Variants in ATRNL1 observed in about 807,000 individuals in gnomAD.
ATRNL1 encodes attractin-like protein 1.
A neutral mutation model predicts 182.7 loss-of-function variants in ATRNL1; 95 were observed. That is an observed-to-expected ratio of 0.52 (90% confidence interval 0.44 to 0.62). ATRNL1 has a LOEUF of 0.62. Among genes scored for constraint, ATRNL1 ranks in the 20% least tolerant of loss-of-function variants. The probability of loss-of-function intolerance (pLI) is 0.00; values close to 1 mark genes in which losing one functional copy is unlikely to be tolerated. For missense variants in ATRNL1, 1,471 were observed against 1,679.5 expected (o/e 0.88, Z 2.17); for synonymous variants, 576 against 568.3 (o/e 1.01, Z -0.19).
chr10:115,473,418 A>C (rs929908080), intron 24 of ATRNL1, among the ~76,000 whole-genome samples: 1 of 151,250 alleles, frequency 6.6e-6, no homozygotes, highest in East Asian at 1.9e-4. Flanking sequence ...AAAGAACAGA[A>C]TACAGCATTA....
chr10:115,587,975 G>T (rs1198986600), intron 26 of ATRNL1, among the ~76,000 whole-genome samples: 1 of 152,070 alleles, frequency 6.6e-6, no homozygotes, highest in Non-Finnish European at 1.5e-5. Flanking sequence ...AATAAGAAAT[G>T]AAAATCAAAT....
chr10:115,414,746 C>T (rs1371050447), intron 20 of ATRNL1, among the ~76,000 whole-genome samples: 1 of 151,796 alleles, frequency 6.6e-6, no homozygotes, highest in Non-Finnish European at 1.5e-5. Flanking sequence ...TATTATTTCA[C>T]CTTCTTACAC....
intron 6 of ATRNL1, among the ~76,000 whole-genome samples, chr10:115,160,785 T>G (rs1312235315): frequency 6.6e-5 from 10 of 151,944 alleles, no homozygotes; most frequent in Non-Finnish European, 1.5e-4. Flanking sequence ...TTTTATGAAC[T>G]GTTTAGTAAC....
At chr10:115,605,466 T>C (rs1385157658) in intron 26 of ATRNL1, among the ~76,000 whole-genome samples, 2 of 152,148 alleles carry the variant, frequency 1.3e-5, no homozygotes, top group Admixed American at 1.3e-4. Flanking sequence ...TTGCATAGAT[T>C]ACTTACATTT....
intron 26 of ATRNL1, among the ~76,000 whole-genome samples, chr10:115,550,189 G>A (rs561967626): frequency 2.0e-5 from 3 of 151,780 alleles, no homozygotes; most frequent in Non-Finnish European, 4.4e-5. Flanking sequence ...GCAAAAGTAT[G>A]CAGTAGATTT....
intron 25 of ATRNL1, among the ~76,000 whole-genome samples, chr10:115,534,726 A>G (rs1554989664): frequency 1.3e-5 from 2 of 151,510 alleles, no homozygotes; most frequent in African/African-American, 4.8e-5. Context: ...TTTTGGCATG[A>G]TTTTGTAGCA....
chr10:115,461,851 A>G, intron 21 of ATRNL1, 90 bp from the exon 22 acceptor site: 1 of 552,614 alleles, frequency 1.8e-6, no homozygotes, highest in Non-Finnish European at 3.0e-6. Flanking sequence ...CATTTTTAAT[A>G]TCAGTGTACA....
At chr10:115,405,086 G>A (rs1466869002) in intron 20 of ATRNL1, among the ~76,000 whole-genome samples, 2 of 152,046 alleles carry the variant, frequency 1.3e-5, no homozygotes, top group Admixed American at 6.6e-5. Flanking sequence ...ATTAGAAAAA[G>A]AAACAAATGT....
intron 24 of ATRNL1, among the ~76,000 whole-genome samples, chr10:115,480,760 A>G (rs1228561672): frequency 1.3e-5 from 2 of 151,098 alleles, no homozygotes; most frequent in Non-Finnish European, 3.0e-5. Flanking sequence ...ACCAGAGACC[A>G]TATTGCCCAC....
chr10:115,157,815 A>G (rs143100169), intron 5 of ATRNL1, among the ~76,000 whole-genome samples: 1 of 152,222 alleles, frequency 6.6e-6, no homozygotes, highest in African/African-American at 2.4e-5. Flanking sequence ...TTTGAGGGCT[A>G]TTATTCAGTC....
At chr10:115,513,358 G>A (rs1003419637) in intron 24 of ATRNL1, among the ~76,000 whole-genome samples, 5 of 152,006 alleles carry the variant, frequency 3.3e-5, no homozygotes, top group African/African-American at 1.2e-4. Flanking sequence ...ACCCACGTGA[G>A]TAGTAGAAGA....
chr10:115,611,466 G>A (rs1857157249), intron 26 of ATRNL1, among the ~76,000 whole-genome samples: 1 of 152,042 alleles, frequency 6.6e-6, no homozygotes, highest in Non-Finnish European at 1.5e-5. Flanking sequence ...GTCCTTTTAG[G>A]ATGATATAAT....
intron 20 of ATRNL1, among the ~76,000 whole-genome samples, chr10:115,417,763 T>C (rs1845462627): frequency 6.6e-6 from 1 of 152,160 alleles, no homozygotes; most frequent in Non-Finnish European, 1.5e-5. Flanking sequence ...TTACCCTCCT[T>C]GGATCTTCCC....
At chr10:115,218,922 C>T (rs1256247110) in intron 9 of ATRNL1, among the ~76,000 whole-genome samples, 1 of 152,262 alleles carries the variant, frequency 6.6e-6, no homozygotes, top group East Asian at 1.9e-4. Flanking sequence ...CTTTAGAAAG[C>T]CACCTCACTT....
intron 25 of ATRNL1, among the ~76,000 whole-genome samples, chr10:115,525,365 G>A (rs1430542228): frequency 3.3e-5 from 5 of 152,234 alleles, no homozygotes; most frequent in African/African-American, 4.8e-5. Flanking sequence ...GCAGTTAAGC[G>A]CTGACACCTG....
intron 15 of ATRNL1, among the ~76,000 whole-genome samples, chr10:115,297,438 G>A (rs1554923025): frequency 6.6e-6 from 1 of 151,820 alleles, no homozygotes; most frequent in Non-Finnish European, 1.5e-5. Flanking sequence ...TCAGGAGTTC[G>A]AGACCATCCC....
chr10:115,931,341 C>T (rs1285830263), intron 28 of ATRNL1, among the ~76,000 whole-genome samples: 1 of 152,094 alleles, frequency 6.6e-6, no homozygotes, highest in African/African-American at 2.4e-5. Flanking sequence ...CTGCACTGCA[C>T]TTTCTTAGAT....
At chr10:115,659,228 C>T (rs1206129073) in intron 26 of ATRNL1, among the ~76,000 whole-genome samples, 1 of 152,042 alleles carries the variant, frequency 6.6e-6, no homozygotes, top group Non-Finnish European at 1.5e-5. Context: ...CTACACAACC[C>T]AATATAGTTT....
chr10:115,708,004 A>T (rs1285473776), intron 26 of ATRNL1, among the ~76,000 whole-genome samples: 2 of 151,704 alleles, frequency 1.3e-5, no homozygotes, highest in Non-Finnish European at 3.0e-5. Flanking sequence ...AGGTAAAAAT[A>T]TTCCTTGATG....
Sources: gnomAD v4.1 joint callset for allele counts (sites outside exome capture counted in the v4.1 genomes callset) on GRCh38, gnomAD v4.1.1 for gene constraint, MANE v1.5 for transcripts, NCBI Gene and HGNC (gene_info 2026-07-23, HGNC 2026-07-21) for gene names.